Variants in NBEA observed in about 807,000 individuals in gnomAD.
The protein encoded by NBEA is neurobeachin.
Under a neutral mutation model 343.4 loss-of-function variants are expected in NBEA, and 44 were observed. The ratio of observed to expected loss-of-function variants is 0.13; its 90% confidence interval spans 0.10 to 0.16. The LOEUF is 0.16. NBEA is among the 10% of genes least tolerant of loss of function. The pLI is 1.00. For missense variants in NBEA, 2,555 were observed against 3,631.3 expected (o/e 0.70, Z 7.62); for synonymous variants, 1,175 against 1,238.7 (o/e 0.95, Z 1.08).
At chr13:35,547,967 G>A (rs971740251) in intron 41 of NBEA, among the ~76,000 whole-genome samples, 3 of 152,072 alleles carry the variant, frequency 2.0e-5, no homozygotes, top group Admixed American at 1.3e-4. Flanking sequence ...AGAACGGCTC[G>A]GGGTGAGGGA....
At position 35,645,858 on chromosome 13, in the gene NBEA, TC is replaced by T; in HGVS notation, c.7618-7del. The T allele has an allele frequency of 1.3e-6, 2 of 1,536,076 alleles. No homozygotes were observed. The highest frequency in any genetic ancestry group is 1.8e-6 in the Non-Finnish European group (2 of 1,128,074). ...AGACTTCATGTCTCATTCTTTTTTT[TC>T]CCCATTAAGATTCCAGAAGCTTATT... On this transcript the variant is annotated splice_polypyrimidine_tract_variant and intron_variant, in intron 49 of 58. Coordinates refer to ENST00000379939, the MANE Select transcript of NBEA (RefSeq NM_001385012.1).
chr13:35,349,273 T>C (rs2040048255), intron 37 of NBEA, 57 bp downstream of exon 37: 1 of 921,206 alleles, frequency 1.1e-6, no homozygotes, highest in Non-Finnish European at 1.6e-6. Flanking sequence ...AAAAATCACC[T>C]ATCTGTGACC....
chr13:35,084,170 G>T (rs1234696589), intron 10 of NBEA, among the ~76,000 whole-genome samples: 1 of 152,038 alleles, frequency 6.6e-6, no homozygotes, highest in Non-Finnish European at 1.5e-5. Flanking sequence ...AGATCAACGA[G>T]ACAGAAAGTT....
chr13:35,453,192 CTT>C (rs1229583063), intron 40 of NBEA, among the ~76,000 whole-genome samples: 1 of 152,164 alleles, frequency 6.6e-6, no homozygotes, highest in East Asian at 1.9e-4. Context: ...AGAGAGTTCT[CTT>C]TTCATCTTCA....
chr13:35,129,654 A>G (rs1243015488), intron 17 of NBEA, among the ~76,000 whole-genome samples: 2 of 152,072 alleles, frequency 1.3e-5, no homozygotes, highest in Non-Finnish European at 2.9e-5. Flanking sequence ...AAATATGGCT[A>G]ATAAGAGTTA....
chr13:35,575,991 A>G (rs192165848), intron 45 of NBEA, among the ~76,000 whole-genome samples: 409 of 152,262 alleles, frequency 2.7e-3, no homozygotes, highest in Admixed American at 6.3e-3. Flanking sequence ...TGCCAATGCT[A>G]GGCTTCTGAA....
chr13:35,207,687 A>G (rs1052266797), intron 31 of NBEA, among the ~76,000 whole-genome samples: 10 of 152,142 alleles, frequency 6.6e-5, no homozygotes, highest in South Asian at 4.1e-4. Flanking sequence ...AAAATACGCT[A>G]AAGAAACCTG....
chr13:35,311,435 A>C (rs1467259076), intron 36 of NBEA, among the ~76,000 whole-genome samples: 1 of 152,060 alleles, frequency 6.6e-6, no homozygotes, highest in Non-Finnish European at 1.5e-5. Flanking sequence ...AAGGGGGTGG[A>C]AAATTTGCTA....
chr13:35,526,878 G>T (rs1440469071), intron 41 of NBEA, among the ~76,000 whole-genome samples: 1 of 152,164 alleles, frequency 6.6e-6, no homozygotes, highest in Non-Finnish European at 1.5e-5. Context: ...CATACTGCAA[G>T]TGGCTTCAAT....
chr13:35,209,514 G>C (rs1211169898), intron 32 of NBEA, among the ~76,000 whole-genome samples: 1 of 144,934 alleles, frequency 6.9e-6, no homozygotes, highest in East Asian at 2.0e-4. Flanking sequence ...TTTTTTTTTT[G>C]TAAATTTCCA....
At chr13:35,318,429 C>T (rs9565172) in intron 36 of NBEA, among the ~76,000 whole-genome samples, 26,373 of 152,106 alleles carry the variant, frequency 0.17, 2,836 homozygotes, top group Middle Eastern at 0.39. Context: ...GTTGAACCGG[C>T]GTTGCATCCC....
chr13:35,351,564 C>T (rs1431591581), intron 37 of NBEA, among the ~76,000 whole-genome samples: 1 of 151,898 alleles, frequency 6.6e-6, no homozygotes, highest in Non-Finnish European at 1.5e-5. Flanking sequence ...CCTTTGAACA[C>T]ATTACATTTT....
intron 23 of NBEA, 30 bp from the exon 24 acceptor site, chr13:35,164,326 A>G (rs2069821637): frequency 4.5e-6 from 7 of 1,545,542 alleles, no homozygotes; most frequent in Non-Finnish European, 6.1e-6. Flanking sequence ...GTAAGCCAAA[A>G]CATACTCATT....
intron 1 of NBEA, among the ~76,000 whole-genome samples, chr13:34,960,411 A>G (rs530805188): frequency 1.7e-4 from 26 of 152,110 alleles, no homozygotes; most frequent in Non-Finnish European, 3.5e-4. Flanking sequence ...AAAGAAATAA[A>G]CTTTTTTTTG....
At chr13:34,958,502 A>G (rs2059565976) in intron 1 of NBEA, among the ~76,000 whole-genome samples, 2 of 152,168 alleles carry the variant, frequency 1.3e-5, no homozygotes, top group African/African-American at 2.4e-5. Context: ...CATTTGATAC[A>G]TATTAATTTT....
At chr13:35,246,223 C>A (rs1256056837) in intron 34 of NBEA, among the ~76,000 whole-genome samples, 1 of 152,132 alleles carries the variant, frequency 6.6e-6, no homozygotes, top group East Asian at 1.9e-4. Context: ...TTAAGGTAGA[C>A]TTCACCTTTC....
chr13:35,445,794 A>ATATATATATATATATATATATG (rs1566144601), intron 39 of NBEA, among the ~76,000 whole-genome samples: 2 of 80,026 alleles, frequency 2.5e-5, no homozygotes, highest in Non-Finnish European at 4.8e-5. Flanking sequence ...ATATATATAT[A>ATATATATATATATATATATATG]TATATATATA....
Position 34,977,159 on chromosome 13 carries a change from C to T in NBEA, c.294+34045C>T, listed in dbSNP as rs956320212. On this transcript the variant is annotated intron_variant, in intron 1 of 58. Transcript: ENST00000379939. ...TTCTTCTTGTTGGTCAGGCTGGTCT[C>T]GAACTCCTAACCTCAGGTGATCCGC... Among the ~76,000 whole-genome samples, 3 of 152,090 alleles carry T rather than the reference C, an allele frequency of 2.0e-5. No homozygotes were observed. In the South Asian group the frequency reaches 6.2e-4, roughly 32 times the overall value.
intron 39 of NBEA, among the ~76,000 whole-genome samples, chr13:35,432,830 C>T (rs1489406049): frequency 6.6e-6 from 1 of 151,432 alleles, no homozygotes; most frequent in Non-Finnish European, 1.5e-5. Context: ...TACATATACA[C>T]ATGTAATATA....
Sources: allele counts gnomAD v4.1 joint callset (sites outside exome capture counted in the v4.1 genomes callset), GRCh38; gene constraint gnomAD v4.1.1; transcripts MANE v1.5; gene names NCBI Gene and HGNC (gene_info 2026-07-23, HGNC 2026-07-21).